VTI1A: variants seen among roughly 807,000 people sequenced by gnomAD.
VTI1A encodes the protein vesicle transport through interaction with t-SNAREs 1A, also known as vesicle transport through interaction with t-SNAREs homolog 1A.
A neutral mutation model predicts 34.9 loss-of-function variants in VTI1A; 22 were observed. That is an observed-to-expected ratio of 0.63 (90% CI 0.45 to 0.90). The LOEUF is 0.90. VTI1A is among the 40% of genes least tolerant of loss of function. The pLI, the probability that VTI1A is intolerant of heterozygous loss-of-function variation, is 0.00. For synonymous variants in VTI1A, 87 were observed against 97.3 expected (o/e 0.89, Z 0.62); for missense variants, 268 against 275.6 (o/e 0.97, Z 0.20).
intron 3 of VTI1A, among the ~76,000 whole-genome samples, chr10:112,477,504 A>C (rs1848313544): frequency 6.6e-6 from 1 of 152,220 alleles, no homozygotes; most frequent in South Asian, 2.1e-4. Flanking sequence ...TGGTTCTGTT[A>C]AGTATTATTT....
At chr10:112,714,855 AT>A (rs1464100354) in intron 7 of VTI1A, among the ~76,000 whole-genome samples, 1 of 152,240 alleles carries the variant, frequency 6.6e-6, no homozygotes, top group Non-Finnish European at 1.5e-5. Context: ...ACTGGCCTAC[AT>A]AACTCATCTT....
At chr10:112,750,080 A>T (rs1477215674) in intron 7 of VTI1A, among the ~76,000 whole-genome samples, 1 of 152,220 alleles carries the variant, frequency 6.6e-6, no homozygotes, top group Non-Finnish European at 1.5e-5. Context: ...ATGAGGAGGA[A>T]CTGTCACATG....
chr10:112,492,839 A>G (rs994481154), intron 3 of VTI1A, among the ~76,000 whole-genome samples: 4 of 151,962 alleles, frequency 2.6e-5, no homozygotes, highest in Admixed American at 1.3e-4. Flanking sequence ...ATTTTCCATT[A>G]TAAATATACA....
rs529124033 is a variant in VTI1A at position 112,549,487 on chromosome 10, C to T, written c.427+11157C>T. ...AGGCACTATGGTGTCCAAATTGTTG[C>T]GAAAATAACAAATTAACACTTTATG... On this transcript the variant is annotated intron_variant, in intron 5 of 7. Coordinates refer to ENST00000393077, the MANE Select transcript of VTI1A (RefSeq NM_145206.4). 6.3e-4 allele frequency among the ~76,000 whole-genome samples: 96 copies of T among 152,092 alleles called. 2 individuals carry two copies. In the South Asian group the frequency reaches 0.013, roughly 20 times the overall value.
rs1472573747 is a variant in VTI1A, at chr10:112,462,088, G to T, written c.153+1506G>T. Among the ~76,000 whole-genome samples, 3 of 152,212 alleles carry T rather than the reference G, an allele frequency of 2.0e-5. No individual in the cohort carries two copies. The East Asian group carries it at 5.8e-4, about 29-fold the overall frequency. On this transcript the variant is annotated intron_variant, in intron 2 of 7. Coordinates refer to ENST00000393077, the MANE Select transcript of VTI1A (RefSeq NM_145206.4). ...TGGTCTTGAACTCCTGACCGCAGGT[G>T]ATCCACCCACCTTGGCCTCCCAAAG...
At chr10:112,465,463 T>C (rs1463094284) in intron 3 of VTI1A, among the ~76,000 whole-genome samples, 1 of 152,182 alleles carries the variant, frequency 6.6e-6, no homozygotes, top group Non-Finnish European at 1.5e-5. Flanking sequence ...AACCTAAGCA[T>C]CCATTGTTAA....
intron 1 of VTI1A, among the ~76,000 whole-genome samples, chr10:112,459,045 G>A (rs1407034202): frequency 6.6e-6 from 1 of 152,150 alleles, no homozygotes; most frequent in African/African-American, 2.4e-5. Context: ...GGTAGGTGTT[G>A]TACCCATTTC....
intron 7 of VTI1A, 151 bp from the exon 8 acceptor site, chr10:112,815,139 G>GCGCGCGCACACA (rs879013051): frequency 5.8e-6 from 1 of 173,480 alleles, no homozygotes; most frequent in African/African-American, 3.3e-5. Context: ...TTTCGCGCGC[G>GCGCGCGCACACA]CACACACACA....
the VTI1A span, among the ~76,000 whole-genome samples, chr10:112,837,609 G>A: frequency 1.9e-4 from 29 of 152,208 alleles, no homozygotes; most frequent in African/African-American, 7.0e-4. Flanking sequence ...GGCCCTCTGG[G>A]CCTCAATTTG....
intron 3 of VTI1A, among the ~76,000 whole-genome samples, chr10:112,516,053 A>G (rs957221925): frequency 2.0e-5 from 3 of 152,104 alleles, no homozygotes; most frequent in African/African-American, 4.8e-5. Flanking sequence ...TGACAGTTCA[A>G]TCTAGATAAG....
At chr10:112,601,016 G>A (rs1214005499) in intron 5 of VTI1A, among the ~76,000 whole-genome samples, 1 of 152,200 alleles carries the variant, frequency 6.6e-6, no homozygotes, top group Non-Finnish European at 1.5e-5. Context: ...ACAGGTGTAA[G>A]TTGTAGTAGA....
At chr10:112,700,624 T>C (rs150758946) in intron 7 of VTI1A, among the ~76,000 whole-genome samples, 33 of 152,330 alleles carry the variant, frequency 2.2e-4, no homozygotes, top group African/African-American at 7.9e-4. Context: ...TTTAGCCAAA[T>C]TGCTCATATT....
Position 112,673,468 on chromosome 10 carries a change from G to GCGCGCGCACACACACA in VTI1A, c.560+4471_560+4472insGCGCGCACACACACAC, listed in dbSNP as rs1554938762. Among the ~76,000 whole-genome samples the GCGCGCGCACACACACA allele has an allele frequency of 7.4e-4, 112 of 151,562 alleles. 1 individual carries two copies. The highest frequency in any genetic ancestry group is 2.6e-3 in the African/African-American group (109 of 41,328). On this transcript the variant is annotated intron_variant, in intron 7 of 7. Transcript: ENST00000393077. ...TTCACACACATGCGCGCGTGCGCGC[G>GCGCGCGCACACACACA]CACACACACACACACGCACTCAGAT...
chr10:112,549,635 G>A (rs537213436), intron 5 of VTI1A, among the ~76,000 whole-genome samples: 1 of 152,208 alleles, frequency 6.6e-6, no homozygotes, highest in South Asian at 2.1e-4. Flanking sequence ...CTTTTTGACA[G>A]AGAAAGTTCT....
intron 7 of VTI1A, among the ~76,000 whole-genome samples, chr10:112,786,135 A>G (rs1447497286): frequency 3.3e-5 from 5 of 152,178 alleles, no homozygotes; most frequent in South Asian, 2.1e-4. Context: ...TTTTAAAGCT[A>G]TGTTTATAGA....
At chr10:112,755,981 T>C (rs1851270854) in intron 7 of VTI1A, among the ~76,000 whole-genome samples, 1 of 151,950 alleles carries the variant, frequency 6.6e-6, no homozygotes, top group African/African-American at 2.4e-5. Flanking sequence ...TCTTGGTAAG[T>C]ACTGTACCAA....
chr10:112,473,697 C>T lies in VTI1A; in HGVS notation c.264+9040C>T, dbSNP rs914501349. Among the ~76,000 whole-genome samples, 7 of 152,190 alleles carry T rather than the reference C, an allele frequency of 4.6e-5. No homozygotes were observed. The East Asian group carries it at 7.7e-4, about 17-fold the overall frequency. ...TATGCCTGGAACTACATTTTTACTGCGGCTCATCAAATCACTTGTGTTCTT... is the reference window on the plus strand; with the variant it reads ...TATGCCTGGAACTACATTTTTACTGTGGCTCATCAAATCACTTGTGTTCTT... On this transcript the variant is annotated intron_variant, in intron 3 of 7. Coordinates refer to ENST00000393077, the MANE Select transcript of VTI1A (RefSeq NM_145206.4).
chr10:112,847,755 G>C, the VTI1A span, among the ~76,000 whole-genome samples: 3 of 152,176 alleles, frequency 2.0e-5, no homozygotes, highest in African/African-American at 7.2e-5. Flanking sequence ...CATTCACCAT[G>C]CCAAATGAGA....
chr10:112,779,492 A>G (rs543738812), intron 7 of VTI1A, among the ~76,000 whole-genome samples: 1 of 152,264 alleles, frequency 6.6e-6, no homozygotes, highest in East Asian at 1.9e-4. Context: ...TTTTTCAGCT[A>G]TGGGTCAGGT....
Sources: allele counts gnomAD v4.1 joint callset (sites outside exome capture counted in the v4.1 genomes callset), GRCh38; gene constraint gnomAD v4.1.1; transcripts MANE v1.5; gene names NCBI Gene and HGNC (gene_info 2026-07-23, HGNC 2026-07-21).